The following CARS2 variants were observed in gnomAD, a reference collection of about 807,000 sequenced individuals.
CARS2 encodes the protein cysteinyl-tRNA synthetase 2, mitochondrial, also known as probable cysteine--tRNA ligase, mitochondrial.
CARS2 carries 52 observed loss-of-function variants against 68.8 expected under a neutral mutation model. The observed-to-expected ratio is 0.76, with a 90% CI of 0.61 to 0.95. CARS2 has a LOEUF of 0.95. Among genes scored for constraint, CARS2 ranks in the 40% least tolerant of loss-of-function variants. The pLI is 0.00. For synonymous variants in CARS2, 314 were observed against 303.6 expected (o/e 1.03, Z -0.36); for missense variants, 780 against 754.2 (o/e 1.03, Z -0.40).
intron 14 of CARS2, 100 bp from the exon 15 acceptor site, chr13:110,641,708 C>T (rs182673738): frequency 1.5e-4 from 145 of 954,702 alleles, no homozygotes; most frequent in Middle Eastern, 3.2e-4. Context: ...GTTCCCTCAC[C>T]GGCCTGTCCT....
At chr13:110,651,128 G>A (rs772193623) in intron 9 of CARS2, 28 bp from the exon 10 acceptor site, 14 of 1,565,636 alleles carry the variant, frequency 8.9e-6, no homozygotes, top group Admixed American at 6.7e-5. Context: ...AGGCAGTCAC[G>A]AGGCTTTGCT....
At chr13:110,661,261 C>A (rs1456061904) in intron 9 of CARS2, among the ~76,000 whole-genome samples, 3 of 152,222 alleles carry the variant, frequency 2.0e-5, no homozygotes, top group Non-Finnish European at 4.4e-5. Context: ...CATCTACATT[C>A]GAAAGATCTG....
At chr13:110,673,751 T>G (rs2062868153) in intron 7 of CARS2, among the ~76,000 whole-genome samples, 2 of 151,990 alleles carry the variant, frequency 1.3e-5, no homozygotes, top group South Asian at 4.2e-4. Flanking sequence ...GGGTATTCAA[T>G]TAGGAAAAGA....
chr13:110,653,066 C>G lies in CARS2; in HGVS notation c.988-1966G>C, dbSNP rs547660056. 6.6e-6 allele frequency among the ~76,000 whole-genome samples: 1 copy of G among 152,152 alleles called. No homozygotes were observed. Among genetic ancestry groups the G allele is most frequent in the South Asian group, 2.1e-4 (1 of 4,826 alleles). On this transcript the variant is annotated intron_variant, in intron 9 of 14. Coordinates refer to ENST00000257347, the MANE Select transcript of CARS2 (RefSeq NM_024537.4). This position sits in a 1 kb window ranked among gnomAD's most constrained non-coding sequence, Gnocchi z 5.6. ...TGAGTCAAGCAGAGCCCCCGCTCCTCTACTTCAGTATCATCAACGGCCTTT... is the reference window on the plus strand; with the variant it reads ...TGAGTCAAGCAGAGCCCCCGCTCCTGTACTTCAGTATCATCAACGGCCTTT...
intron 5 of CARS2, among the ~76,000 whole-genome samples, chr13:110,684,780 C>G (rs1160612848): frequency 6.6e-6 from 1 of 151,978 alleles, no homozygotes; most frequent in African/African-American, 2.4e-5. Context: ...AGAGAAACCA[C>G]TCCCTTAAAT....
intron 13 of CARS2, chr13:110,643,933 G>T: frequency 3.0e-6 from 1 of 330,978 alleles, no homozygotes; most frequent in South Asian, 2.4e-5. Flanking sequence ...GCCAGGGTGA[G>T]CCTCGCTGGG....
intron 3 of CARS2, among the ~76,000 whole-genome samples, chr13:110,696,863 T>C (rs2063637854): frequency 6.6e-6 from 1 of 152,220 alleles, no homozygotes; most frequent in Non-Finnish European, 1.5e-5. Flanking sequence ...CTCTGCTCCC[T>C]GGATTCGGGG....
At chr13:110,706,124 G>A (rs889478623), upstream of CARS2, 4 of 1,285,362 alleles carry the variant, frequency 3.1e-6, no homozygotes, top group Non-Finnish European at 3.9e-6. Context: ...ACTGGGCGGA[G>A]ACGGGAGCCA....
Position 110,641,472 on chromosome 13 carries a change from A to G in CARS2, c.*65T>C, listed in dbSNP as rs1887272334. 23 of 1,328,100 alleles carry G rather than the reference A, an allele frequency of 1.7e-5. No homozygotes were observed. In the Admixed American group the frequency reaches 3.5e-4, roughly 20 times the overall value. 82.3% of individuals were successfully genotyped at this position (1,328,100 alleles called of 1,614,324 possible). On this transcript the variant is annotated 3_prime_UTR_variant, in exon 15 of 15. Transcript: ENST00000257347. Reference sequence around the variant, plus strand: ...AGCCCCGACAGGAAGCTTTAACATAAAGCCTTGACCCTGAGAAGCATGGGT... The same window carrying G: ...AGCCCCGACAGGAAGCTTTAACATAGAGCCTTGACCCTGAGAAGCATGGGT...
At chr13:110,711,682 G>A (rs1253736309) in intron 1 of CARS2, among the ~76,000 whole-genome samples, 1 of 152,244 alleles carries the variant, frequency 6.6e-6, no homozygotes, top group East Asian at 1.9e-4. Flanking sequence ...GTGTAGGTGA[G>A]ATGAAGGGGC....
chr13:110,651,496 G>A (rs2062212948), intron 9 of CARS2, among the ~76,000 whole-genome samples: 4 of 152,202 alleles, frequency 2.6e-5, no homozygotes, highest in South Asian at 4.1e-4. Context: ...ACCAGCTCTG[G>A]CCTGCCTGCA....
intron 9 of CARS2, among the ~76,000 whole-genome samples, chr13:110,662,565 T>C (rs1170757163): frequency 2.0e-5 from 3 of 152,274 alleles, no homozygotes; most frequent in African/African-American, 4.8e-5. Context: ...ACCAATTTAA[T>C]TGAGGCTCCC....
In CARS2 at chr13:110,665,012, G is replaced by C; in HGVS notation, c.920-1494C>G. The C allele has an allele frequency of 1.0e-6, 1 of 985,398 alleles. No homozygotes were observed. The highest frequency in any genetic ancestry group is 1.2e-6 in the Non-Finnish European group (1 of 829,898). The allele number at this position is 985,398 out of a possible 1,614,324, so 61.0% of individuals were successfully genotyped here. ...GGCTGGGATAGTGTCTGCCCACTTA[G>C]CTCTTCCATCCACTGGGTACAGGAG... is the stretch of plus-strand genomic sequence containing the variant. On this transcript the variant is annotated intron_variant, in intron 8 of 14. Transcript: ENST00000257347. This position sits in a 1 kb window ranked among gnomAD's most constrained non-coding sequence, Gnocchi z 4.3.
chr13:110,698,702 C>A (rs138401805), intron 3 of CARS2, among the ~76,000 whole-genome samples: 2,508 of 151,650 alleles, frequency 0.017, 34 homozygotes, highest in Non-Finnish European at 0.026. Flanking sequence ...GGGCTTCATG[C>A]CTTCTTAAAA....
At chr13:110,684,794 G>C (rs1309726600) in intron 5 of CARS2, among the ~76,000 whole-genome samples, 1 of 151,948 alleles carries the variant, frequency 6.6e-6, no homozygotes, top group Admixed American at 6.6e-5. Flanking sequence ...CTTAAATGGT[G>C]GAAACATTCC....
Position 110,676,250 on chromosome 13 carries a change from C to T in CARS2, c.785+724G>A, listed in dbSNP as rs1369071582. ...GGCGGTATGCTGTCTTTCACACACC[C>T]CACCCAAGGTGCCCCTGGCTGTGGG... On this transcript the variant is annotated intron_variant, in intron 7 of 14. Coordinates refer to ENST00000257347, the MANE Select transcript of CARS2 (RefSeq NM_024537.4). The surrounding 1 kb of genome is among the most constrained non-coding windows in gnomAD (Gnocchi z 4.0). 1.3e-5 allele frequency among the ~76,000 whole-genome samples: 2 copies of T among 152,354 alleles called. No homozygotes were observed. The highest frequency in any genetic ancestry group is 3.9e-4 in the East Asian group (2 of 5,170).
At position 110,672,514 on chromosome 13, in the gene CARS2, C is replaced by T. The variant is rs140183336; in HGVS notation, c.785+4460G>A. 3.1e-3 allele frequency among the ~76,000 whole-genome samples: 478 copies of T among 152,160 alleles called. 7 individuals carry two copies. The highest frequency in any genetic ancestry group is 0.011 in the African/African-American group (460 of 41,506). On this transcript the variant is annotated intron_variant, in intron 7 of 14. Coordinates refer to ENST00000257347, the MANE Select transcript of CARS2 (RefSeq NM_024537.4). ...CAGCAGTAAAGACGTTCTTTGAAACCAATAAGAACAAAGACACAACATACC... is the reference window on the plus strand; with the variant it reads ...CAGCAGTAAAGACGTTCTTTGAAACTAATAAGAACAAAGACACAACATACC...
intron 11 of CARS2, 142 bp downstream of exon 11, chr13:110,646,959 C>T: frequency 1.0e-6 from 1 of 986,990 alleles, no homozygotes; most frequent in Non-Finnish European, 1.4e-6. Context: ...TCTCCTGGGG[C>T]CTCTCTGGGC....
chr13:110,684,501 C>T (rs985245587), intron 5 of CARS2, among the ~76,000 whole-genome samples: 10 of 150,760 alleles, frequency 6.6e-5, no homozygotes, highest in Admixed American at 1.3e-4. Context: ...CCAGGGAGGA[C>T]GCTGAAGGGA....
Sources: allele counts gnomAD v4.1 joint callset (sites outside exome capture counted in the v4.1 genomes callset), GRCh38; gene constraint gnomAD v4.1.1; non-coding constraint Gnocchi (gnomAD v3.1); transcripts MANE v1.5; gene names NCBI Gene and HGNC (gene_info 2026-07-23, HGNC 2026-07-21).